RBFOX1: variants seen among roughly 807,000 people sequenced by gnomAD.
RBFOX1 encodes the protein RNA binding protein fox-1 homolog 1.
Under a neutral mutation model 57.7 loss-of-function variants are expected in RBFOX1, and 8 were observed. The observed-to-expected ratio is 0.14, with a 90% confidence interval of 0.08 to 0.25. RBFOX1 has a LOEUF of 0.25. Ranked by LOEUF, RBFOX1 falls within the 10% of genes least tolerant of loss-of-function variation. The pLI is 1.00. For missense variants in RBFOX1, 611 were observed against 548.5 expected (o/e 1.11, Z -1.14); for synonymous variants, 326 against 222.4 (o/e 1.47, Z -4.15).
intron 3 of RBFOX1, among the ~76,000 whole-genome samples, chr16:5,621,776 A>G (rs1254953634): frequency 6.6e-6 from 1 of 152,198 alleles, no homozygotes; most frequent in Non-Finnish European, 1.5e-5. Context: ...AAGGGCAGTG[A>G]AACCATCATG....
intron 4 of RBFOX1, among the ~76,000 whole-genome samples, chr16:5,945,315 C>T (rs1011431710): frequency 1.3e-5 from 2 of 152,142 alleles, no homozygotes; most frequent in African/African-American, 2.4e-5. Flanking sequence ...GAGTCATCAT[C>T]GTTGAGGAAC....
At chr16:5,824,838 C>A (rs2055979682) in intron 3 of RBFOX1, among the ~76,000 whole-genome samples, 1 of 152,130 alleles carries the variant, frequency 6.6e-6, no homozygotes, top group African/African-American at 2.4e-5. Context: ...ACTTCCCATC[C>A]CTGGTTCCCG....
chr16:6,984,029 C>T (rs764583666), intron 3 of RBFOX1, among the ~76,000 whole-genome samples: 3 of 152,104 alleles, frequency 2.0e-5, no homozygotes, highest in Non-Finnish European at 4.4e-5. Context: ...GGGCAGATCA[C>T]CTGAGGTCAG....
At chr16:6,103,112 T>C (rs1001596724) in intron 1 of RBFOX1, among the ~76,000 whole-genome samples, 1 of 152,206 alleles carries the variant, frequency 6.6e-6, no homozygotes, top group African/African-American at 2.4e-5. Context: ...AGTAGCACTG[T>C]GTGTCAGATA....
chr16:5,913,345 T>C (rs1182971228), intron 4 of RBFOX1, among the ~76,000 whole-genome samples: 1 of 152,124 alleles, frequency 6.6e-6, no homozygotes, highest in East Asian at 1.9e-4. Context: ...CATTCGGAAA[T>C]GTGATTCCAA....
chr16:7,173,677 A>T (rs1036699316), intron 4 of RBFOX1, among the ~76,000 whole-genome samples: 1 of 152,182 alleles, frequency 6.6e-6, no homozygotes, highest in Non-Finnish European at 1.5e-5. Context: ...ATGGCTCCAG[A>T]AGGGTGGAAA....
intron 4 of RBFOX1, among the ~76,000 whole-genome samples, chr16:5,920,617 A>G (rs986943988): frequency 6.6e-6 from 1 of 152,042 alleles, no homozygotes; most frequent in Non-Finnish European, 1.5e-5. Context: ...AGGAGGAAGC[A>G]CCCTTCCAGG....
chr16:7,510,702 GA>G (rs542879212), intron 4 of RBFOX1, among the ~76,000 whole-genome samples: 19 of 152,326 alleles, frequency 1.2e-4, no homozygotes, highest in African/African-American at 4.6e-4. Context: ...TTTCTTGCCA[GA>G]GAAGTGGTGT....
At chr16:5,848,069 C>T (rs184572016) in intron 3 of RBFOX1, among the ~76,000 whole-genome samples, 1 of 152,124 alleles carries the variant, frequency 6.6e-6, no homozygotes, top group East Asian at 1.9e-4. Flanking sequence ...GAATGTGTGT[C>T]CGGAGCTCTG....
intron 4 of RBFOX1, among the ~76,000 whole-genome samples, chr16:7,322,832 C>A (rs1409237408): frequency 1.3e-5 from 2 of 152,302 alleles, no homozygotes; most frequent in African/African-American, 2.4e-5. Flanking sequence ...TGTCCTCCTC[C>A]TGCGTTCCTT....
At chr16:5,516,808 A>T (rs1431799087) in intron 2 of RBFOX1, among the ~76,000 whole-genome samples, 1 of 152,068 alleles carries the variant, frequency 6.6e-6, no homozygotes, top group Non-Finnish European at 1.5e-5. Flanking sequence ...CTCGGCACTC[A>T]TTCTTCTCTC....
chr16:7,063,147 T>A (rs1324124205), intron 4 of RBFOX1, among the ~76,000 whole-genome samples: 3 of 152,000 alleles, frequency 2.0e-5, no homozygotes, highest in African/African-American at 4.8e-5. Context: ...AGCTCTTGGT[T>A]TAGGGCACAC....
intron 4 of RBFOX1, among the ~76,000 whole-genome samples, chr16:7,514,691 A>C (rs2075965870): frequency 6.6e-6 from 1 of 152,086 alleles, no homozygotes; most frequent in Non-Finnish European, 1.5e-5. Flanking sequence ...AGGGGCAGTA[A>C]ATGTGAAGAC....
chr16:7,290,031 T>A (rs1053944774), intron 4 of RBFOX1, among the ~76,000 whole-genome samples: 2 of 152,192 alleles, frequency 1.3e-5, no homozygotes, highest in African/African-American at 4.8e-5. Context: ...AGTAAACCTA[T>A]AATCTGTGCT....
intron 3 of RBFOX1, among the ~76,000 whole-genome samples, chr16:6,663,504 G>T (rs768334217): frequency 6.6e-6 from 1 of 152,130 alleles, no homozygotes; most frequent in Non-Finnish European, 1.5e-5. Flanking sequence ...ATGGGAGAAG[G>T]TTCACTCCTT....
chr16:6,914,746 C>T (rs1433591111), intron 3 of RBFOX1, among the ~76,000 whole-genome samples: 1 of 152,094 alleles, frequency 6.6e-6, no homozygotes, highest in Non-Finnish European at 1.5e-5. Flanking sequence ...TGGTGGTGTG[C>T]ACCTGTAGTC....
At chr16:5,675,233 C>T (rs982647151) in intron 3 of RBFOX1, among the ~76,000 whole-genome samples, 11 of 152,208 alleles carry the variant, frequency 7.2e-5, no homozygotes, top group Middle Eastern at 3.4e-3. Context: ...CACACACACA[C>T]GCACACCCAC....
chr16:7,508,366 C>G (rs2074045777), intron 4 of RBFOX1, among the ~76,000 whole-genome samples: 1 of 152,108 alleles, frequency 6.6e-6, no homozygotes, highest in Non-Finnish European at 1.5e-5. Flanking sequence ...CCGTCTTGGT[C>G]TTGTCTCTCT....
chr16:5,727,085 C>A (rs9930057), intron 3 of RBFOX1, among the ~76,000 whole-genome samples: 2 of 152,124 alleles, frequency 1.3e-5, no homozygotes, highest in African/African-American at 2.4e-5. Context: ...ATGGTAAAAC[C>A]CTGTTTCTGC....
Sources: allele counts gnomAD v4.1 joint callset (sites outside exome capture counted in the v4.1 genomes callset), GRCh38; gene constraint gnomAD v4.1.1; transcripts MANE v1.5; gene names NCBI Gene and HGNC (gene_info 2026-07-23, HGNC 2026-07-21).